SMC6: variants seen among roughly 807,000 people sequenced by gnomAD.
SMC6 encodes structural maintenance of chromosomes 6.
In SMC6, 79 loss-of-function variants were observed where a neutral mutation model predicts 142.2. That is an observed-to-expected ratio of 0.56 (90% CI 0.46 to 0.67). The LOEUF (loss-of-function observed/expected upper bound fraction) is 0.67. Ranked by LOEUF, SMC6 falls within the 30% of genes least tolerant of loss-of-function variation. The pLI is 0.00. For missense variants in SMC6, 1,072 were observed against 1,284.0 expected (o/e 0.83, Z 2.52); for synonymous variants, 411 against 412.4 (o/e 1.00, Z 0.04).
At chr2:17,715,346 T>C (rs1355375853) in intron 15 of SMC6, among the ~76,000 whole-genome samples, 2 of 152,086 alleles carry the variant, frequency 1.3e-5, no homozygotes, top group East Asian at 1.9e-4. Context: ...CACTCTAATG[T>C]AAATCAACGG....
At chr2:17,675,850 A>C (rs1468402118) in intron 25 of SMC6, among the ~76,000 whole-genome samples, 6 of 152,030 alleles carry the variant, frequency 3.9e-5, no homozygotes, top group Non-Finnish European at 8.8e-5. Flanking sequence ...GGTTTTCTTT[A>C]TATTTACCTC....
intron 25 of SMC6, among the ~76,000 whole-genome samples, chr2:17,675,310 C>T (rs549660896): frequency 2.6e-5 from 4 of 152,158 alleles, no homozygotes; most frequent in African/African-American, 7.2e-5. Flanking sequence ...CCTTTTTGTG[C>T]TATTGTCATA....
chr2:17,666,722 T>C (rs778639694), intron 26 of SMC6, among the ~76,000 whole-genome samples: 22 of 152,006 alleles, frequency 1.4e-4, no homozygotes, highest in Non-Finnish European at 1.5e-5. Flanking sequence ...GTGGCTCATG[T>C]TTGTAATCCC....
chr2:17,671,135 A>T (rs1297957712), intron 25 of SMC6, among the ~76,000 whole-genome samples: 1 of 151,758 alleles, frequency 6.6e-6, no homozygotes, highest in African/African-American at 2.4e-5. Flanking sequence ...CAGCTTCCCA[A>T]AGTGCTGGGA....
chr2:17,707,480 T>G, intron 17 of SMC6, 101 bp from the exon 18 acceptor site: 3 of 623,508 alleles, frequency 4.8e-6, no homozygotes, highest in Non-Finnish European at 7.2e-6. Flanking sequence ...TTAATATGAT[T>G]CAAGTATTCT....
intron 25 of SMC6, among the ~76,000 whole-genome samples, chr2:17,671,961 A>T (rs1001913830): frequency 3.3e-5 from 5 of 152,252 alleles, no homozygotes; most frequent in East Asian, 1.9e-4. Context: ...TCACTGTTTG[A>T]AAAGTGATAC....
intron 13 of SMC6, 42 bp downstream of exon 13, chr2:17,717,046 C>T (rs200091172): frequency 1.1e-5 from 17 of 1,576,490 alleles, no homozygotes; most frequent in Non-Finnish European, 1.4e-5. Context: ...TACTTTATTA[C>T]AAAATGGGAT....
intron 25 of SMC6, among the ~76,000 whole-genome samples, chr2:17,676,376 T>C (rs1558326675): frequency 6.6e-6 from 1 of 152,154 alleles, no homozygotes; most frequent in Non-Finnish European, 1.5e-5. Flanking sequence ...AAAAAAATTA[T>C]CAATCACCTT....
chr2:17,726,077 G>A (rs1489473976), intron 8 of SMC6, among the ~76,000 whole-genome samples: 2 of 95,578 alleles, frequency 2.1e-5, no homozygotes, highest in African/African-American at 1.2e-4. Flanking sequence ...GACAGAGCAA[G>A]GCTCTGTCTT....
At chr2:17,744,322 A>ATT (rs397871834) in intron 3 of SMC6, among the ~76,000 whole-genome samples, 264 of 151,978 alleles carry the variant, frequency 1.7e-3, no homozygotes, top group African/African-American at 5.1e-3. Context: ...AAAGTGGTTC[A>ATT]TTTTTTTTGA....
At chr2:17,738,071 G>GTTTT in intron 5 of SMC6, 150 bp downstream of exon 5, 1 of 600,946 alleles carries the variant, frequency 1.7e-6, no homozygotes, top group South Asian at 2.2e-5. Context: ...AGCAACAAGG[G>GTTTT]GTAAAAGAAA....
intron 25 of SMC6, 43 bp downstream of exon 25, chr2:17,678,816 T>C (rs1558328276): frequency 1.5e-6 from 2 of 1,366,454 alleles, no homozygotes; most frequent in Non-Finnish European, 1.0e-6. Flanking sequence ...AAGAAACAAC[T>C]AGTTTTTCTA....
At chr2:17,721,410 G>A in intron 9 of SMC6, 149 bp from the exon 10 acceptor site, 1 of 884,688 alleles carries the variant, frequency 1.1e-6, no homozygotes, top group South Asian at 2.5e-5. Flanking sequence ...AATTATTCTT[G>A]ATTCTTTGGT....
chr2:17,740,286 C>A (rs1670376387), intron 4 of SMC6, among the ~76,000 whole-genome samples: 1 of 152,178 alleles, frequency 6.6e-6, no homozygotes, highest in Admixed American at 6.5e-5. Flanking sequence ...TTCTTCCTGA[C>A]TGAATGATAA....
chr2:17,725,052 TAC>T lies in SMC6; in HGVS notation c.726+203_726+204del, dbSNP rs1669548001. 2.0e-5 allele frequency among the ~76,000 whole-genome samples: 3 copies of T among 152,304 alleles called. No homozygotes were observed. In the South Asian group the frequency reaches 6.2e-4, roughly 32 times the overall value. On this transcript the variant is annotated intron_variant, in intron 9 of 27. Coordinates refer to ENST00000448223, the MANE Select transcript of SMC6 (RefSeq NM_001142286.2). The stretch of plus-strand genomic sequence containing the variant: ...AATCTAATAGAGAAAGTAAGACATG[TAC>T]ACAGTCATTATTACAAAATAAAAAA...
chr2:17,693,439 A>G (rs10167027), intron 23 of SMC6, among the ~76,000 whole-genome samples: 77,711 of 151,746 alleles, frequency 0.51, 22,571 homozygotes, highest in African/African-American at 0.78. Context: ...GCAAACTATC[A>G]CAAGGACAAA....
At position 17,721,012 on chromosome 2, in the gene SMC6, A is replaced by T. The variant is rs373166234; in HGVS notation, c.873T>A (p.Asn291Lys). ...CAATTTTGATATTATCTCTGATGGCATTCAATTGTTTTTCAATTTCATTGA... is the reference window on the plus strand; with the variant it reads ...CAATTTTGATATTATCTCTGATGGCTTTCAATTGTTTTTCAATTTCATTGA... ...AVVNEIEKQLNAIRDNIKIGE... is the reference protein window; with the variant it reads ...AVVNEIEKQLKAIRDNIKIGE... The change falls in exon 11 of 28, where the codon AAT becomes AAA. Residue 291 changes from asparagine (N) to lysine (K), a missense_variant. Coordinates refer to ENST00000448223, the MANE Select transcript of SMC6 (RefSeq NM_001142286.2). 3.7e-6 allele frequency: 6 copies of T among 1,613,614 alleles called. No homozygotes were observed. The African/African-American group carries it at 8.0e-5, about 22-fold the overall frequency.
In SMC6 at chr2:17,731,821, C is replaced by T. The variant is rs1173829540; in HGVS notation, c.401G>A (p.Ser134Asn). 4 of 1,613,792 alleles carry T rather than the reference C, an allele frequency of 2.5e-6. No individual in the cohort carries two copies. The South Asian group carries it at 4.4e-5, about 18-fold the overall frequency. The change falls in exon 6 of 28, where the codon AGT becomes AAT. Residue 134 changes from serine (S) to asparagine (N), a missense_variant. This residue lies in a region of SMC6 where 994 missense variants were observed against 1,153.2 expected (regional missense o/e 0.86). Transcript: ENST00000448223. ...TATAAGTATAGAGTTACCATACACA[C>T]TGGCTTTAAAGGCATCATCTCCTCT... ...RNRGDDAFKA[S>N]VYGNSILIQQ...
chr2:17,752,117 A>G lies in SMC6; in HGVS notation c.-6+861T>C, dbSNP rs77302572. On this transcript the variant is annotated intron_variant, in intron 2 of 27. Transcript: ENST00000448223. The stretch of plus-strand genomic sequence containing the variant: ...TCCTCTCTGTGTCCACATATTTAAG[A>G]ATCCTGTCAGCTAGGTACAGTCAAT... 1.2e-4 allele frequency among the ~76,000 whole-genome samples: 19 copies of G among 152,312 alleles called. No individual in the cohort carries two copies. The East Asian group carries it at 3.5e-3, about 28-fold the overall frequency.
Sources: gnomAD v4.1 joint callset for allele counts (sites outside exome capture counted in the v4.1 genomes callset) on GRCh38, gnomAD v4.1.1 for gene constraint, gnomAD v4.1.1 regional missense constraint, MANE v1.5 for transcripts, NCBI Gene and HGNC (gene_info 2026-07-23, HGNC 2026-07-21) for gene names.